Variants in EDC3 observed in about 807,000 individuals in gnomAD.
The protein encoded by EDC3 is enhancer of mRNA decapping 3, also known as enhancer of mRNA-decapping protein 3.
A neutral mutation model predicts 41.8 loss-of-function variants in EDC3; 20 were observed. The ratio of observed to expected loss-of-function variants is 0.48; its 90% CI spans 0.34 to 0.70. The LOEUF is 0.70. Ranked by LOEUF, EDC3 falls within the 30% of genes least tolerant of loss-of-function variation. EDC3 has a pLI of 0.01. For missense variants in EDC3, 444 were observed against 636.8 expected (o/e 0.70, Z 3.26); for synonymous variants, 206 against 243.2 (o/e 0.85, Z 1.42).
chr15:74,633,026 C>T (rs2062231239), intron 6 of EDC3, 80 bp from the exon 7 acceptor site: 1 of 1,427,420 alleles, frequency 7.0e-7, no homozygotes, highest in South Asian at 1.3e-5. Context: ...CAGGTCACCC[C>T]AAGGGTGTCT....
rs182509097 is a variant in EDC3, at chr15:74,686,137, C to T, written c.-19+9743G>A. Among the ~76,000 whole-genome samples the T allele has an allele frequency of 2.5e-3, 375 of 151,952 alleles. 4 individuals carry two copies. The highest frequency in any genetic ancestry group is 8.6e-3 in the African/African-American group (358 of 41,442). On this transcript the variant is annotated intron_variant, in intron 1 of 6. Coordinates refer to ENST00000315127, the MANE Select transcript of EDC3 (RefSeq NM_025083.5). ...GTCAGGAGTTCGAGACCAGCCTGAC[C>T]AACAAGGTGAAACCCCATCTCTACT...
Position 74,675,120 on chromosome 15 carries a change from G to A in EDC3, c.5C>T (p.Ala2Val), listed in dbSNP as rs1163211736. 1 of 1,613,062 alleles carries A rather than the reference G, an allele frequency of 6.2e-7. No individual in the cohort carries two copies. The highest frequency in any genetic ancestry group is 1.7e-5 in the Admixed American group (1 of 60,016). Residue 2 changes from alanine to valine, a missense_variant, in exon 2 of 7, where the codon GCT becomes GTT. Around this residue, in one of 3 missense-constraint regions of EDC3, gnomAD observed 200 missense variants for 244.0 expected, o/e 0.82. Transcript: ENST00000315127. MATDWLGSIVSI... is the reference protein window; with the variant it reads MVTDWLGSIVSI... ...CACAATACTTCCCAGCCAATCTGTA[G>A]CCATGTTTCACACGTGAGACCACTG...
chr15:74,690,749 C>T (rs756242371), intron 1 of EDC3, among the ~76,000 whole-genome samples: 4 of 152,170 alleles, frequency 2.6e-5, no homozygotes, highest in African/African-American at 4.8e-5. Flanking sequence ...GAGTTTCAGA[C>T]CAGCCTGGAC....
intron 1 of EDC3, among the ~76,000 whole-genome samples, chr15:74,684,248 G>T (rs565541346): frequency 1.3e-4 from 19 of 151,790 alleles, no homozygotes; most frequent in African/African-American, 4.6e-4. Flanking sequence ...TGCTGCCCAA[G>T]CTAGTCTTGA....
Position 74,632,374 on chromosome 15 carries a change from TAG to T in EDC3, c.*236_*237del. On this transcript the variant is annotated 3_prime_UTR_variant, in exon 7 of 7. Coordinates refer to ENST00000315127, the MANE Select transcript of EDC3 (RefSeq NM_025083.5). This position sits in a 1 kb window ranked among gnomAD's most constrained non-coding sequence, Gnocchi z 4.0. ...ACCTGGCCGTGCAGGGGGCTGAGGG[TAG>T]AGATGCCTGGAGTTGCTGCACGCTC... 1.8e-6 allele frequency: 1 copy of T among 571,352 alleles called. No homozygotes were observed. The highest frequency in any genetic ancestry group is 3.1e-5 in the Admixed American group (1 of 32,700). The allele number at this position is 571,352 out of a possible 1,614,324, so 35.4% of individuals were successfully genotyped here.
intron 2 of EDC3, among the ~76,000 whole-genome samples, chr15:74,674,122 A>G (rs1277244039): frequency 6.6e-6 from 1 of 152,096 alleles, no homozygotes; most frequent in Non-Finnish European, 1.5e-5. Flanking sequence ...TTATTTTTTT[A>G]CAGACAGGGT....
chr15:74,689,541 T>C (rs917886731), intron 1 of EDC3, among the ~76,000 whole-genome samples: 4 of 152,214 alleles, frequency 2.6e-5, no homozygotes, highest in Non-Finnish European at 4.4e-5. Context: ...TTTTCTTTTT[T>C]TGAGACGGAG....
intron 1 of EDC3, among the ~76,000 whole-genome samples, chr15:74,689,626 A>T (rs1465589783): frequency 6.6e-6 from 1 of 151,320 alleles, no homozygotes; most frequent in Non-Finnish European, 1.5e-5. Context: ...CTGGGTTCAC[A>T]CCATCCTCCC....
rs576272634 is a variant in EDC3 at position 74,640,212 on chromosome 15, G to A, written c.974+254C>T. 22 of 437,964 alleles carry A rather than the reference G, an allele frequency of 5.0e-5. No homozygotes were observed. In the East Asian group the frequency reaches 9.1e-4, roughly 18 times the overall value. The allele number at this position is 437,964 out of a possible 1,614,324, so 27.1% of individuals were successfully genotyped here. On this transcript the variant is annotated intron_variant, in intron 5 of 6. Coordinates refer to ENST00000315127, the MANE Select transcript of EDC3 (RefSeq NM_025083.5). ...CTTCTGATAGTTAGCAGGAGTCTCAGGCCCGATGGCTGCTATCAGGAGAGA... is the reference window on the plus strand; with the variant it reads ...CTTCTGATAGTTAGCAGGAGTCTCAAGCCCGATGGCTGCTATCAGGAGAGA...
chr15:74,672,810 G>A (rs2062754472), intron 2 of EDC3, among the ~76,000 whole-genome samples: 1 of 151,148 alleles, frequency 6.6e-6, no homozygotes, highest in East Asian at 1.9e-4. Context: ...GTGAGACTCT[G>A]TCTCAAAAAA....
At chr15:74,676,646 G>T (rs2062809980) in intron 1 of EDC3, among the ~76,000 whole-genome samples, 1 of 152,154 alleles carries the variant, frequency 6.6e-6, no homozygotes, top group Non-Finnish European at 1.5e-5. Context: ...CTGAGTAGCT[G>T]CATGTCTATT....
intron 1 of EDC3, among the ~76,000 whole-genome samples, chr15:74,689,130 T>C (rs2062972627): frequency 1.3e-5 from 2 of 152,166 alleles, no homozygotes. Flanking sequence ...AATACATCCA[T>C]TTCTACTGGG....
intron 1 of EDC3, among the ~76,000 whole-genome samples, chr15:74,689,009 C>G (rs2062971066): frequency 6.6e-6 from 1 of 151,948 alleles, no homozygotes; most frequent in Non-Finnish European, 1.5e-5. Context: ...TGTAAGCATG[C>G]CTCAATGTAT....
intron 4 of EDC3, among the ~76,000 whole-genome samples, chr15:74,646,073 T>G (rs957399823): frequency 8.0e-5 from 12 of 150,732 alleles, no homozygotes; most frequent in Admixed American, 5.3e-4. Flanking sequence ...TGTTTTTTTT[T>G]TTTTTTTTTG....
At chr15:74,687,490 T>C (rs890570215) in intron 1 of EDC3, among the ~76,000 whole-genome samples, 3 of 152,068 alleles carry the variant, frequency 2.0e-5, no homozygotes, top group Non-Finnish European at 2.9e-5. Context: ...CAATTCTCCT[T>C]CCTCAGCCTC....
chr15:74,674,139 C>T (rs1034551537), intron 2 of EDC3, among the ~76,000 whole-genome samples: 1 of 152,108 alleles, frequency 6.6e-6, no homozygotes, highest in Admixed American at 6.5e-5. Flanking sequence ...GGGTCTTGCT[C>T]TATTACCCAG....
chr15:74,646,976 G>GA (rs2062426304), intron 4 of EDC3, among the ~76,000 whole-genome samples: 1 of 147,734 alleles, frequency 6.8e-6, no homozygotes. Context: ...TATTAAATTA[G>GA]AAAAAATGAC....
chr15:74,653,220 C>T (rs551340334), intron 4 of EDC3, among the ~76,000 whole-genome samples: 13 of 151,698 alleles, frequency 8.6e-5, no homozygotes, highest in African/African-American at 2.7e-4. Context: ...CCTCTCTGGG[C>T]CTCATGTCCT....
intron 5 of EDC3, chr15:74,638,868 CCTG>C (rs2062310117): frequency 6.6e-6 from 1 of 151,874 alleles, no homozygotes; most frequent in Non-Finnish European, 1.5e-5. Flanking sequence ...ATTACCTTGC[CCTG>C]CTGAATTTAC....
Sources: gnomAD v4.1 joint callset for allele counts (sites outside exome capture counted in the v4.1 genomes callset) on GRCh38, gnomAD v4.1.1 for gene constraint, gnomAD v4.1.1 regional missense constraint, Gnocchi (gnomAD v3.1) non-coding constraint, MANE v1.5 for transcripts, NCBI Gene and HGNC (gene_info 2026-07-23, HGNC 2026-07-21) for gene names.